ARHGAP10: variants seen among roughly 807,000 people sequenced by gnomAD.
ARHGAP10 encodes the protein Rho GTPase activating protein 10.
ARHGAP10 carries 87 observed loss-of-function variants against 108.6 expected under a neutral mutation model. The observed-to-expected ratio is 0.80, with a 90% CI of 0.67 to 0.96. ARHGAP10 has a LOEUF of 0.96. ARHGAP10 is among the 40% of genes least tolerant of loss of function. The pLI is 0.00. For missense variants in ARHGAP10, 939 were observed against 954.5 expected, an observed-to-expected ratio of 0.98 and a Z score of 0.21; for synonymous variants, 347 against 341.1, an observed-to-expected ratio of 1.02 and a Z score of -0.19.
chr4:147,896,096 C>T (rs1735984245), intron 10 of ARHGAP10, among the ~76,000 whole-genome samples: 1 of 152,122 alleles, frequency 6.6e-6, no homozygotes, highest in South Asian at 2.1e-4. Flanking sequence ...GCTTTTTGTA[C>T]CTGCTTCATC....
At chr4:147,873,889 A>T (rs7697568) in intron 7 of ARHGAP10, among the ~76,000 whole-genome samples, 32 of 148,044 alleles carry the variant, frequency 2.2e-4, no homozygotes, top group East Asian at 2.0e-3. Context: ...AAAAAAAAAA[A>T]GGGGGGATAA....
At chr4:147,842,730 C>G (rs974850753) in intron 3 of ARHGAP10, among the ~76,000 whole-genome samples, 1 of 152,184 alleles carries the variant, frequency 6.6e-6, no homozygotes, top group African/African-American at 2.4e-5. Flanking sequence ...CTCCTCTGCT[C>G]CCCAGAAGCT....
At chr4:147,808,318 CTT>C (rs1329352235) in intron 1 of ARHGAP10, among the ~76,000 whole-genome samples, 1 of 151,298 alleles carries the variant, frequency 6.6e-6, no homozygotes, top group East Asian at 1.9e-4. Flanking sequence ...AAGGAAAAAA[CTT>C]TGGCATTTTT....
chr4:147,786,218 C>A (rs936663054), intron 1 of ARHGAP10, among the ~76,000 whole-genome samples: 2 of 152,100 alleles, frequency 1.3e-5, no homozygotes, highest in Non-Finnish European at 2.9e-5. Flanking sequence ...GCCTGGAAGC[C>A]TCTCTTAAGC....
intron 3 of ARHGAP10, among the ~76,000 whole-genome samples, chr4:147,827,718 G>T (rs992324742): frequency 6.6e-6 from 1 of 152,164 alleles, no homozygotes; most frequent in African/African-American, 2.4e-5. Context: ...AAAAGCCACA[G>T]ATTAAGAAAG....
chr4:147,975,181 G>A (rs1323555372), intron 18 of ARHGAP10, among the ~76,000 whole-genome samples: 2 of 152,222 alleles, frequency 1.3e-5, no homozygotes, highest in African/African-American at 4.8e-5. Flanking sequence ...CTTTGTAATA[G>A]GGATTGTGGT....
rs996628503 is a variant in ARHGAP10, at chr4:147,881,116, A to G, written c.940-722A>G. Reference sequence around the variant, plus strand: ...TGGTGAAATCCTGTCTCTACTAAAAATACAAAAATTAGCCAGTCATGGTGA... The same window carrying G: ...TGGTGAAATCCTGTCTCTACTAAAAGTACAAAAATTAGCCAGTCATGGTGA... On this transcript the variant is annotated intron_variant, in intron 9 of 22. Transcript: ENST00000336498. 2.6e-5 allele frequency among the ~76,000 whole-genome samples: 4 copies of G among 151,926 alleles called. No individual in the cohort carries two copies. In the South Asian group the frequency reaches 8.3e-4, roughly 32 times the overall value.
At chr4:147,886,834 C>G (rs1447340056) in intron 10 of ARHGAP10, among the ~76,000 whole-genome samples, 1 of 152,192 alleles carries the variant, frequency 6.6e-6, no homozygotes, top group African/African-American at 2.4e-5. Flanking sequence ...GCAGTGGCAC[C>G]ATCTCTGCTC....
At chr4:147,953,551 T>C (rs1342254647) in intron 15 of ARHGAP10, among the ~76,000 whole-genome samples, 1 of 151,984 alleles carries the variant, frequency 6.6e-6, no homozygotes, top group Non-Finnish European at 1.5e-5. Context: ...AAATTGCTCA[T>C]AGTATTTCTT....
At chr4:148,046,809 A>G in intron 19 of ARHGAP10, 83 bp from the exon 20 acceptor site, 1 of 1,352,298 alleles carries the variant, frequency 7.4e-7, no homozygotes, top group African/African-American at 1.5e-5. Context: ...TGATTGACTA[A>G]TCAAGTAACA....
intron 1 of ARHGAP10, among the ~76,000 whole-genome samples, chr4:147,756,842 C>T (rs949685892): frequency 3.3e-5 from 5 of 150,970 alleles, no homozygotes; most frequent in South Asian, 2.1e-4. Flanking sequence ...TTAGAATTTA[C>T]AGTCTGGTTA....
chr4:147,842,438 G>T (rs1358985169), intron 3 of ARHGAP10, among the ~76,000 whole-genome samples: 3 of 152,146 alleles, frequency 2.0e-5, no homozygotes, highest in Non-Finnish European at 4.4e-5. Context: ...ATGCCTTCAT[G>T]TGTCTATATT....
chr4:147,818,553 T>G, intron 1 of ARHGAP10, among the ~76,000 whole-genome samples: 1 of 128,294 alleles, frequency 7.8e-6, no homozygotes, highest in Admixed American at 9.0e-5. Context: ...GTGACAAGAG[T>G]GAAACTGTCA....
Position 148,059,973 on chromosome 4 carries a change from T to A in ARHGAP10, c.2028-3175T>A, listed in dbSNP as rs1305851877. On this transcript the variant is annotated intron_variant, in intron 20 of 22. Coordinates refer to ENST00000336498, the MANE Select transcript of ARHGAP10 (RefSeq NM_024605.4). Reference sequence around the variant, plus strand: ...TTTATGATGGGTAAAGCCCACTCTTTGAGAGAGAGAGAGAGAGAGAGGGGA... The same window carrying A: ...TTTATGATGGGTAAAGCCCACTCTTAGAGAGAGAGAGAGAGAGAGAGGGGA... 4.8e-5 allele frequency among the ~76,000 whole-genome samples: 7 copies of A among 146,172 alleles called. No homozygotes were observed. In the East Asian group the frequency reaches 8.2e-4, roughly 17 times the overall value.
intron 19 of ARHGAP10, 76 bp from the exon 20 acceptor site, chr4:148,046,816 A>G (rs1043845403): frequency 7.1e-6 from 10 of 1,402,076 alleles, no homozygotes; most frequent in Non-Finnish European, 8.9e-6. Context: ...CTAATCAAGT[A>G]ACACCATATA....
chr4:147,759,588 C>A (rs988952506), intron 1 of ARHGAP10, among the ~76,000 whole-genome samples: 1 of 151,658 alleles, frequency 6.6e-6, no homozygotes, highest in African/African-American at 2.4e-5. Flanking sequence ...CCGCCCCCCC[C>A]CCCCTTTAAA....
intron 1 of ARHGAP10, among the ~76,000 whole-genome samples, chr4:147,798,718 T>G (rs1161876203): frequency 7.2e-6 from 1 of 138,350 alleles, no homozygotes; most frequent in Non-Finnish European, 1.5e-5. Context: ...GTCAGGAGTT[T>G]GAGACACTCT....
intron 4 of ARHGAP10, among the ~76,000 whole-genome samples, chr4:147,852,704 CTTTTTTTTTTTTTT>C: frequency 9.5e-6 from 1 of 105,558 alleles, no homozygotes; most frequent in Non-Finnish European, 1.8e-5. Context: ...CATCACCAAA[CTTTTTTTTTTTTTT>C]TTTTTTTTTT....
At chr4:147,746,482 C>T (rs1282167822) in intron 1 of ARHGAP10, among the ~76,000 whole-genome samples, 1 of 151,228 alleles carries the variant, frequency 6.6e-6, no homozygotes, top group African/African-American at 2.4e-5. Context: ...CTCACTGCAA[C>T]CTCCACCTCC....
Sources: gnomAD v4.1 joint callset for allele counts (sites outside exome capture counted in the v4.1 genomes callset) on GRCh38, gnomAD v4.1.1 for gene constraint, MANE v1.5 for transcripts, NCBI Gene and HGNC (gene_info 2026-07-23, HGNC 2026-07-21) for gene names.